The following GCNT3 variants were observed in gnomAD, a reference collection of about 807,000 sequenced individuals.
GCNT3 encodes beta-1,3-galactosyl-O-glycosyl-glycoprotein beta-1,6-N-acetylglucosaminyltransferase 3.
For synonymous variants in GCNT3, 269 were observed against 195.2 expected (o/e 1.38, Z -3.15); for missense variants, 708 against 530.3 (o/e 1.34, Z -3.29).
intron 1 of GCNT3, chr15:59,615,145 C>T (rs1165585116): frequency 6.6e-6 from 1 of 152,246 alleles, no homozygotes; most frequent in African/African-American, 2.4e-5. Context: ...ATAAAGGGCA[C>T]TGGAGGGAGA....
Position 59,619,622 on chromosome 15 carries a change from G to A in GCNT3, c.*67G>A. 2.0e-6 allele frequency: 2 copies of A among 1,025,548 alleles called. No individual in the cohort carries two copies. The highest frequency in any genetic ancestry group is 1.5e-5 in the South Asian group (1 of 66,436). 63.5% of individuals were successfully genotyped at this position (1,025,548 alleles called of 1,614,324 possible). A position where few individuals can be genotyped will look rare whatever the true frequency, so the allele number is the denominator to read the frequency against. On this transcript the variant is annotated 3_prime_UTR_variant, in exon 3 of 3. Transcript: ENST00000396065. ...GTACAAACATGCTCAGAACTTGCTG[G>A]GACAGTGTGGGTGGGAGACCAGGGC...
chr15:59,620,177 T>G lies in GCNT3; in HGVS notation c.*622T>G, dbSNP rs1455639376. ...CCTGACAAGCTGCATGAATAGCAATTTTTTTTTTGAGACAGAGTCTTGCTC... is the reference window on the plus strand; with the variant it reads ...CCTGACAAGCTGCATGAATAGCAATGTTTTTTTTGAGACAGAGTCTTGCTC... On this transcript the variant is annotated 3_prime_UTR_variant, in exon 3 of 3. Transcript: ENST00000396065. 1 of 166,456 alleles carries G rather than the reference T, an allele frequency of 6.0e-6. No homozygotes were observed. Among genetic ancestry groups the G allele is most frequent in the Non-Finnish European group, 1.5e-5 (1 of 68,044 alleles). The allele number at this position is 166,456 out of a possible 1,614,324, so 10.3% of individuals were successfully genotyped here.
chr15:59,613,278 G>T (rs1206016875), intron 1 of GCNT3, among the ~76,000 whole-genome samples: 1 of 152,016 alleles, frequency 6.6e-6, no homozygotes, highest in Non-Finnish European at 1.5e-5. Context: ...TGAGTCCCAC[G>T]CTGGGCTTTA....
chr15:59,616,374 T>A (rs1337664377), intron 1 of GCNT3: 1 of 152,158 alleles, frequency 6.6e-6, no homozygotes, highest in Admixed American at 6.5e-5. Flanking sequence ...ACATTTGGAC[T>A]CCCAAACAAA....
intron 1 of GCNT3, among the ~76,000 whole-genome samples, chr15:59,613,853 T>C (rs2082707640): frequency 1.3e-5 from 2 of 151,882 alleles, no homozygotes; most frequent in Middle Eastern, 3.4e-3. Flanking sequence ...ACAAAAAAAA[T>C]ACAAATAATA....
In GCNT3 at chr15:59,621,084, C is replaced by T. The variant is rs544412688; in HGVS notation, c.*1529C>T. 1 of 151,482 alleles carries T rather than the reference C, an allele frequency of 6.6e-6. No individual in the cohort carries two copies. Among genetic ancestry groups the T allele is most frequent in the East Asian group, 1.9e-4 (1 of 5,132 alleles). The allele number at this position is 151,482 out of a possible 1,614,324, so 9.4% of individuals were successfully genotyped here. On this transcript the variant is annotated 3_prime_UTR_variant, in exon 3 of 3. Transcript: ENST00000396065. ...ATTTTTAGTAAAGATGGGGTTTCACCATGTTGGCCAGGTTGGTCTCAAACT... is the reference window on the plus strand; with the variant it reads ...ATTTTTAGTAAAGATGGGGTTTCACTATGTTGGCCAGGTTGGTCTCAAACT...
rs1309239872 is a variant in GCNT3, at chr15:59,620,645, C to G, written c.*1090C>G. 6.0e-6 allele frequency: 1 copy of G among 166,950 alleles called. No homozygotes were observed. Among genetic ancestry groups the G allele is most frequent in the African/African-American group, 2.4e-5 (1 of 41,410 alleles). The allele number at this position is 166,950 out of a possible 1,614,324, so 10.3% of individuals were successfully genotyped here. On this transcript the variant is annotated 3_prime_UTR_variant, in exon 3 of 3. Transcript: ENST00000396065. ...TTACAGGAAAATCGCAGCACTAATT[C>G]TAATTTTGTCCACTTTACAGCCAAA...
chr15:59,617,155 T>C (rs200580536), intron 2 of GCNT3, among the ~76,000 whole-genome samples: 1 of 144,988 alleles, frequency 6.9e-6, no homozygotes, highest in South Asian at 2.3e-4. Flanking sequence ...TTTTTCTTTA[T>C]TTTTCTTTTG....
chr15:59,619,400 C>T lies in GCNT3; in HGVS notation c.1162C>T (p.Arg388Trp), dbSNP rs147773357. ...TGCTCCCTGCTCTGGAATCCACCAG[C>T]GGGCTATCTGCGTTTATGGGGCTGG... is the stretch of plus-strand genomic sequence containing the variant. ...PYAPCSGIHQ[R>W]AICVYGAGDL... The change falls in exon 3 of 3, where the codon CGG (arginine) becomes TGG (tryptophan). Residue 388 changes from arginine (R) to tryptophan (W), a missense_variant. Coordinates refer to ENST00000396065, the MANE Select transcript of GCNT3 (RefSeq NM_004751.3). 2.1e-5 allele frequency: 34 copies of T among 1,614,086 alleles called. No individual in the cohort carries two copies. The highest frequency in any genetic ancestry group is 6.7e-5 in the East Asian group (3 of 44,876).
At position 59,619,226 on chromosome 15, in the gene GCNT3, G is replaced by A; in HGVS notation, c.988G>A (p.Glu330Lys). The change falls in exon 3 of 3, where the codon GAA becomes AAA. Residue 330 changes from glutamate (E) to lysine (K), a missense_variant. Glu to Lys is a moderately conservative substitution (Grantham distance 56, BLOSUM62 1). Coordinates refer to ENST00000396065, the MANE Select transcript of GCNT3 (RefSeq NM_004751.3). ...EWVKDTYSPD[E>K]HLWATLQRAR... Reference sequence around the variant, plus strand: ...GGTAAAAGACACTTATAGCCCAGATGAACACCTCTGGGCCACCCTTCAGCG... The same window carrying A: ...GGTAAAAGACACTTATAGCCCAGATAAACACCTCTGGGCCACCCTTCAGCG... The A allele has an allele frequency of 6.2e-7, 1 of 1,614,068 alleles. No homozygotes were observed. The highest frequency in any genetic ancestry group is 8.5e-7 in the Non-Finnish European group (1 of 1,179,996).
chr15:59,614,292 G>C (rs750775649), intron 1 of GCNT3, among the ~76,000 whole-genome samples: 1 of 152,184 alleles, frequency 6.6e-6, no homozygotes, highest in Non-Finnish European at 1.5e-5. Context: ...CAGGGCCCAC[G>C]TAGGGGTGCA....
At chr15:59,617,004 G>A (rs983579119) in intron 2 of GCNT3, 123 bp downstream of exon 2, 2 of 152,076 alleles carry the variant, frequency 1.3e-5, no homozygotes, top group African/African-American at 2.4e-5. Flanking sequence ...ATTGCTTGAA[G>A]GATGTGGCAC....
intron 2 of GCNT3, among the ~76,000 whole-genome samples, chr15:59,617,150 C>CTTTTT (rs1469149351): frequency 1.1e-5 from 1 of 90,524 alleles, no homozygotes; most frequent in African/African-American, 4.0e-5. Context: ...AATGTTTTTT[C>CTTTTT]TTTATTTTTC....
chr15:59,619,122 G>A lies in GCNT3; in HGVS notation c.884G>A (p.Gly295Glu), dbSNP rs1399433854. The A allele has an allele frequency of 2.5e-6, 4 of 1,614,070 alleles. No individual in the cohort carries two copies. Among genetic ancestry groups the A allele is most frequent in the South Asian group, 1.1e-5 (1 of 91,070 alleles). Residue 295 changes from glycine (G) to glutamate (E), a missense_variant, in exon 3 of 3, where the codon GGG becomes GAG. Gly to Glu is a moderately conservative substitution (Grantham distance 98). Coordinates refer to ENST00000396065, the MANE Select transcript of GCNT3 (RefSeq NM_004751.3). ...PPPYNLTMFTGNAYIVASRDF... is the reference protein window; with the variant it reads ...PPPYNLTMFTENAYIVASRDF... ...CCTTATAATTTAACTATGTTTACAGGGAATGCGTACATTGTGGCTTCCCGA... is the reference window on the plus strand; with the variant it reads ...CCTTATAATTTAACTATGTTTACAGAGAATGCGTACATTGTGGCTTCCCGA...
intron 1 of GCNT3, among the ~76,000 whole-genome samples, chr15:59,616,241 T>C (rs2082719186): frequency 6.6e-6 from 1 of 152,174 alleles, no homozygotes; most frequent in South Asian, 2.1e-4. Context: ...AGCAGTTGCA[T>C]TTGAAGAATG....
rs1302531939 is a variant in GCNT3 at position 59,618,245 on chromosome 15, C to T, written c.7C>T (p.Gln3Ter). 6.4e-7 allele frequency: 1 copy of T among 1,554,658 alleles called. No individual in the cohort carries two copies. The highest frequency in any genetic ancestry group is 8.7e-7 in the Non-Finnish European group (1 of 1,145,658). Residue 3 changes from glutamine to a stop codon, truncating the protein, a stop_gained, in exon 3 of 3, where the codon CAA (glutamine) becomes TAA (stop). Coordinates refer to ENST00000396065, the MANE Select transcript of GCNT3 (RefSeq NM_004751.3). LOFTEE classifies it low-confidence loss of function (END_TRUNC). MV[Q>*]WKRLCQLHYL... is the part of the protein sequence containing the mutation. ...TGTCTCCCATTCTGTGACGATGGTT[C>T]AATGGAAGAGACTCTGCCAGCTGCA...
At chr15:59,613,566 AAATAAATAAAT>A (rs1266692719) in intron 1 of GCNT3, among the ~76,000 whole-genome samples, 34 of 149,512 alleles carry the variant, frequency 2.3e-4, no homozygotes, top group East Asian at 9.7e-4. Context: ...ATAAATAAAT[AAATAAATAAAT>A]AAAAATAAAA....
rs1890922312 is a variant in GCNT3 at position 59,621,071 on chromosome 15, G to C, written c.*1516G>C. 1 of 151,276 alleles carries C rather than the reference G, an allele frequency of 6.6e-6. No homozygotes were observed. Among genetic ancestry groups the C allele is most frequent in the Non-Finnish European group, 1.5e-5 (1 of 67,862 alleles). The allele number at this position is 151,276 out of a possible 1,614,324, so 9.4% of individuals were successfully genotyped here. A position where few individuals can be genotyped will look rare whatever the true frequency, so the allele number is the denominator to read the frequency against. ...CTGATTTTTGTGTATTTTTAGTAAA[G>C]ATGGGGTTTCACCATGTTGGCCAGG... On this transcript the variant is annotated 3_prime_UTR_variant, in exon 3 of 3. Coordinates refer to ENST00000396065, the MANE Select transcript of GCNT3 (RefSeq NM_004751.3).
intron 1 of GCNT3, among the ~76,000 whole-genome samples, chr15:59,615,622 C>T (rs1170270429): frequency 6.6e-6 from 1 of 151,934 alleles, no homozygotes; most frequent in African/African-American, 2.4e-5. Flanking sequence ...GTGGCTCACT[C>T]CTGTAATCCC....
Sources: gnomAD v4.1 joint callset for allele counts (sites outside exome capture counted in the v4.1 genomes callset) on GRCh38, gnomAD v4.1.1 for gene constraint, MANE v1.5 for transcripts, NCBI Gene and HGNC (gene_info 2026-07-23, HGNC 2026-07-21) for gene names.